RASGRF2: variants seen among roughly 807,000 people sequenced by gnomAD.
RASGRF2 encodes the protein ras-specific guanine nucleotide-releasing factor 2.
In RASGRF2, 76 loss-of-function variants were observed where a neutral mutation model predicts 151.0. The observed-to-expected ratio is 0.50, with a 90% CI of 0.42 to 0.61. The LOEUF (loss-of-function observed/expected upper bound fraction) is 0.61, where lower values mean the gene tolerates loss of function less well. RASGRF2 is among the 20% of genes least tolerant of loss of function. RASGRF2 has a pLI of 0.00. For synonymous variants in RASGRF2, 504 were observed against 566.5 expected (o/e 0.89, Z 1.57); for missense variants, 1,148 against 1,564.6 (o/e 0.73, Z 4.49).
chr5:81,064,864 A>ATGATT (rs1210974747), intron 2 of RASGRF2, among the ~76,000 whole-genome samples: 1 of 152,214 alleles, frequency 6.6e-6, no homozygotes, highest in Non-Finnish European at 1.5e-5. Flanking sequence ...TTATATGGCA[A>ATGATT]AGGAAAAGAG....
chr5:81,123,612 G>C (rs1311859725), intron 15 of RASGRF2, 30 bp from the exon 16 acceptor site: 7 of 1,602,022 alleles, frequency 4.4e-6, no homozygotes, highest in Non-Finnish European at 6.0e-6. Context: ...TCATGGCCTG[G>C]TTGTTAAAAT....
At chr5:81,189,444 C>A (rs923076662) in intron 18 of RASGRF2, among the ~76,000 whole-genome samples, 1 of 151,738 alleles carries the variant, frequency 6.6e-6, no homozygotes, top group African/African-American at 2.4e-5. Flanking sequence ...GCTGCTTCAG[C>A]CTTGCAAATG....
At chr5:81,081,612 T>C (rs914697609) in intron 7 of RASGRF2, among the ~76,000 whole-genome samples, 1 of 152,164 alleles carries the variant, frequency 6.6e-6, no homozygotes, top group Non-Finnish European at 1.5e-5. Context: ...CAAATTGTCA[T>C]GTGGTAAACC....
In RASGRF2 at chr5:81,038,446, C is replaced by G. The variant is rs113157447; in HGVS notation, c.289-4431C>G. ...GTTTTCATTTCCCTGATTATGAGTACAATTAAATGTCTTTTAAAATTTATT... is the reference window on the plus strand; with the variant it reads ...GTTTTCATTTCCCTGATTATGAGTAGAATTAAATGTCTTTTAAAATTTATT... On this transcript the variant is annotated intron_variant, in intron 1 of 26. Transcript: ENST00000265080. Among the ~76,000 whole-genome samples the G allele has an allele frequency of 2.8e-3, 430 of 150,952 alleles. 3 individuals carry two copies. Among genetic ancestry groups the G allele is most frequent in the African/African-American group, 0.01 (420 of 41,132 alleles).
In RASGRF2 at chr5:81,215,866, T is replaced by C. The variant is rs774934466; in HGVS notation, c.3355-10T>C. 3 of 1,514,628 alleles carry C rather than the reference T, an allele frequency of 2.0e-6. No individual in the cohort carries two copies. Among genetic ancestry groups the C allele is most frequent in the South Asian group, 2.7e-5 (2 of 72,832 alleles). 93.8% of individuals were successfully genotyped at this position (1,514,628 alleles called of 1,614,324 possible). A position where few individuals can be genotyped will look rare whatever the true frequency, so the allele number is the denominator to read the frequency against. ...TTTTCATCACACTAAGTTTTTTCTTTTCTTTTTAGACAAAAGCTCTAATGG... is the reference window on the plus strand; with the variant it reads ...TTTTCATCACACTAAGTTTTTTCTTCTCTTTTTAGACAAAAGCTCTAATGG... On this transcript the variant is annotated splice_polypyrimidine_tract_variant and intron_variant, in intron 23 of 26. Coordinates refer to ENST00000265080, the MANE Select transcript of RASGRF2 (RefSeq NM_006909.3).
chr5:81,063,436 A>G (rs969622168), intron 2 of RASGRF2, among the ~76,000 whole-genome samples: 1 of 152,088 alleles, frequency 6.6e-6, no homozygotes, highest in Non-Finnish European at 1.5e-5. Context: ...TAGTAAAGAC[A>G]GAGTTTCACC....
At chr5:81,065,718 A>G (rs1751580940) in intron 2 of RASGRF2, among the ~76,000 whole-genome samples, 1 of 152,084 alleles carries the variant, frequency 6.6e-6, no homozygotes, top group East Asian at 1.9e-4. Context: ...GTGCTTATGC[A>G]AGGTATCTGT....
chr5:81,129,158 A>G (rs912800632), intron 17 of RASGRF2, among the ~76,000 whole-genome samples: 1 of 152,104 alleles, frequency 6.6e-6, no homozygotes, highest in Non-Finnish European at 1.5e-5. Context: ...ATAAATAATA[A>G]ATCTGTAAGT....
chr5:81,044,781 A>G (rs1406072670), intron 2 of RASGRF2, among the ~76,000 whole-genome samples: 1 of 152,128 alleles, frequency 6.6e-6, no homozygotes, highest in African/African-American at 2.4e-5. Flanking sequence ...ACCTTTAGCT[A>G]ATGTTCAATA....
At chr5:81,103,239 A>T (rs1460292859) in intron 12 of RASGRF2, among the ~76,000 whole-genome samples, 1 of 152,094 alleles carries the variant, frequency 6.6e-6, no homozygotes, top group African/African-American at 2.4e-5. Context: ...GAGATGATTA[A>T]GAGCCAGGTT....
intron 2 of RASGRF2, among the ~76,000 whole-genome samples, chr5:81,059,166 G>A (rs1244291120): frequency 6.6e-6 from 1 of 151,488 alleles, no homozygotes; most frequent in Non-Finnish European, 1.5e-5. Flanking sequence ...GGTGGATCAC[G>A]AGGTCAGGAG....
chr5:81,016,144 G>A (rs2112325964), intron 1 of RASGRF2, among the ~76,000 whole-genome samples: 1 of 152,246 alleles, frequency 6.6e-6, no homozygotes, highest in Non-Finnish European at 1.5e-5. Context: ...GAATCATATA[G>A]ATCAAATGTT....
At chr5:81,173,539 A>G (rs1754706263) in intron 17 of RASGRF2, among the ~76,000 whole-genome samples, 1 of 152,220 alleles carries the variant, frequency 6.6e-6, no homozygotes. Context: ...ATGTCAATTC[A>G]TAGACTCAGT....
At chr5:81,166,407 C>T (rs1754509502) in intron 17 of RASGRF2, among the ~76,000 whole-genome samples, 2 of 151,946 alleles carry the variant, frequency 1.3e-5, no homozygotes, top group African/African-American at 4.8e-5. Flanking sequence ...AGGCTGGTCT[C>T]GAACTCCAGA....
chr5:81,110,721 G>A (rs1205262520), intron 13 of RASGRF2, among the ~76,000 whole-genome samples: 1 of 152,180 alleles, frequency 6.6e-6, no homozygotes, highest in Non-Finnish European at 1.5e-5. Context: ...GATAACAAGT[G>A]ATTATCTAGC....
At chr5:81,072,702 C>T (rs1751814159) in intron 4 of RASGRF2, among the ~76,000 whole-genome samples, 2 of 151,834 alleles carry the variant, frequency 1.3e-5, no homozygotes, top group South Asian at 4.2e-4. Flanking sequence ...GAGAAAAAAA[C>T]AAAACAAACA....
chr5:81,215,869 T>G lies in RASGRF2; in HGVS notation c.3355-7T>G. On this transcript the variant is annotated splice_polypyrimidine_tract_variant and splice_region_variant and intron_variant, in intron 23 of 26. Transcript: ENST00000265080. ...TCATCACACTAAGTTTTTTCTTTTC[T>G]TTTTAGACAAAAGCTCTAATGGACA... is the stretch of plus-strand genomic sequence containing the variant. 6.6e-7 allele frequency: 1 copy of G among 1,524,508 alleles called. No homozygotes were observed. The highest frequency in any genetic ancestry group is 8.7e-7 in the Non-Finnish European group (1 of 1,146,980). The allele number at this position is 1,524,508 out of a possible 1,614,324, so 94.4% of individuals were successfully genotyped here. A position where few individuals can be genotyped will look rare whatever the true frequency, so the allele number is the denominator to read the frequency against.
chr5:80,991,678 C>T (rs1421216915), intron 1 of RASGRF2, among the ~76,000 whole-genome samples: 1 of 152,168 alleles, frequency 6.6e-6, no homozygotes, highest in African/African-American at 2.4e-5. Context: ...TTTTAAAAAA[C>T]CTTCTGAACT....
intron 17 of RASGRF2, among the ~76,000 whole-genome samples, chr5:81,172,555 G>C (rs1754682693): frequency 6.6e-6 from 1 of 151,638 alleles, no homozygotes. Context: ...TGAAGGATAA[G>C]AACACACTTA....
Sources: allele counts gnomAD v4.1 joint callset (sites outside exome capture counted in the v4.1 genomes callset), GRCh38; gene constraint gnomAD v4.1.1; transcripts MANE v1.5; gene names NCBI Gene and HGNC (gene_info 2026-07-23, HGNC 2026-07-21).